Variants in SGCD observed in about 807,000 individuals in gnomAD.
SGCD encodes delta-sarcoglycan.
SGCD carries 18 observed loss-of-function variants against 36.6 expected under a neutral mutation model. The observed-to-expected ratio is 0.49, with a 90% CI of 0.34 to 0.73. The LOEUF (loss-of-function observed/expected upper bound fraction) is 0.73. SGCD is among the 30% of genes least tolerant of loss of function. The probability of loss-of-function intolerance (pLI) is 0.01; values close to 1 mark genes in which losing one functional copy is unlikely to be tolerated. For synonymous variants in SGCD, 133 were observed against 130.6 expected (o/e 1.02, Z -0.12); for missense variants, 387 against 346.7 (o/e 1.12, Z -0.92).
At chr5:155,801,323 C>T in the SGCD span, among the ~76,000 whole-genome samples, 1 of 152,148 alleles carries the variant, frequency 6.6e-6, no homozygotes, top group South Asian at 2.1e-4. Flanking sequence ...CTCTCCAAGC[C>T]CTGAGAGTAG....
chr5:156,015,403 T>G (rs932701759), intron 1 of SGCD, among the ~76,000 whole-genome samples: 1 of 152,130 alleles, frequency 6.6e-6, no homozygotes, highest in East Asian at 1.9e-4. Flanking sequence ...TGAGCATTTA[T>G]TCCCTTGCTT....
intron 3 of SGCD, among the ~76,000 whole-genome samples, chr5:156,287,635 G>GTGTGTA (rs1208955671): frequency 1.3e-5 from 2 of 149,450 alleles, no homozygotes; most frequent in Non-Finnish European, 3.0e-5. Flanking sequence ...CTTTGTGTGT[G>GTGTGTA]TGTGTGTGTG....
intron 3 of SGCD, among the ~76,000 whole-genome samples, chr5:156,321,411 C>G (rs1036662461): frequency 6.6e-6 from 1 of 150,966 alleles, no homozygotes; most frequent in Non-Finnish European, 1.5e-5. Flanking sequence ...CAGAGCGAGA[C>G]TCCGACTGAA....
intron 4 of SGCD, among the ~76,000 whole-genome samples, chr5:156,542,301 A>G (rs1371165388): frequency 6.6e-6 from 1 of 152,202 alleles, no homozygotes; most frequent in Non-Finnish European, 1.5e-5. Context: ...TTCCAGATTT[A>G]TAAAACCCCA....
chr5:156,572,492 G>A (rs552351593), intron 4 of SGCD, among the ~76,000 whole-genome samples: 41 of 152,036 alleles, frequency 2.7e-4, no homozygotes, highest in African/African-American at 8.0e-4. Flanking sequence ...TTAACTTACC[G>A]GGTTTCCATT....
At chr5:156,111,746 A>T (rs541222465) in intron 1 of SGCD, among the ~76,000 whole-genome samples, 3 of 151,836 alleles carry the variant, frequency 2.0e-5, no homozygotes, top group African/African-American at 7.2e-5. Flanking sequence ...ATGTCACCTT[A>T]GTTTCATTTG....
At chr5:156,748,385 A>G (rs905048598) in intron 7 of SGCD, among the ~76,000 whole-genome samples, 30 of 152,232 alleles carry the variant, frequency 2.0e-4, no homozygotes, top group Admixed American at 1.1e-3. Context: ...GTCATCTGAA[A>G]TTTTAAAAAT....
At chr5:155,987,596 C>G (rs1431839725) in intron 1 of SGCD, among the ~76,000 whole-genome samples, 2 of 152,178 alleles carry the variant, frequency 1.3e-5, no homozygotes, top group African/African-American at 4.8e-5. Flanking sequence ...CTCAGCATGG[C>G]ATTTATAAGG....
At chr5:156,297,001 T>C (rs1263944628) in intron 3 of SGCD, among the ~76,000 whole-genome samples, 1 of 150,834 alleles carries the variant, frequency 6.6e-6, no homozygotes, top group Non-Finnish European at 1.5e-5. Flanking sequence ...AGTTTTCAAA[T>C]TTTTAATTTT....
chr5:155,957,344 CA>C (rs1757684684), intron 1 of SGCD, among the ~76,000 whole-genome samples: 1 of 151,994 alleles, frequency 6.6e-6, no homozygotes, highest in South Asian at 2.1e-4. Context: ...GAGCTGCCCC[CA>C]CCAAGGTCAC....
chr5:156,558,088 A>AATGTATATATATATAT lies in SGCD; in HGVS notation c.295-31141_295-31140insGTATATATATATATAT, dbSNP rs1330398244. Among the ~76,000 whole-genome samples the AATGTATATATATATAT allele has an allele frequency of 1.3e-3, 129 of 95,564 alleles. 2 individuals carry two copies. Among genetic ancestry groups the AATGTATATATATATAT allele is most frequent in the African/African-American group, 4.8e-3 (122 of 25,328 alleles). The allele number at this position is 95,564 out of a possible 152,430, so 62.7% of individuals were successfully genotyped here. The stretch of plus-strand genomic sequence containing the variant: ...ACTGAGTGTGTTATTAGTAAATACA[A>AATGTATATATATATAT]ATATATATATATATATATATATATA... On this transcript the variant is annotated intron_variant, in intron 4 of 8. Coordinates refer to ENST00000337851, the MANE Select transcript of SGCD (RefSeq NM_000337.6).
At chr5:156,375,402 T>C (rs1441068413) in intron 3 of SGCD, among the ~76,000 whole-genome samples, 4 of 147,758 alleles carry the variant, frequency 2.7e-5, no homozygotes, top group Middle Eastern at 3.5e-3. Context: ...CAGCTTTTTT[T>C]TTTTTTTTTT....
intron 7 of SGCD, among the ~76,000 whole-genome samples, chr5:156,718,936 C>A (rs1452662163): frequency 6.6e-6 from 1 of 151,914 alleles, no homozygotes; most frequent in Non-Finnish European, 1.5e-5. Context: ...TTGACAAACT[C>A]TTTGCTCTAC....
In SGCD at chr5:156,508,603, T is replaced by C. The variant is rs1357504679; in HGVS notation, c.195T>C (p.Asp65=). The change falls in exon 4 of 9, where the codon GAT becomes GAC. Residue 65 remains aspartate, a splice_region_variant and synonymous_variant. Coordinates refer to ENST00000337851, the MANE Select transcript of SGCD (RefSeq NM_000337.6). ...GTTATCTCTGTGTTCTATTTCAGGA[T>C]GGAATGGGAAACCTGAGGATCACAG... The part of the protein sequence containing the change: ...WILKVMNFTI[D]GMGNLRITEK... 1.3e-6 allele frequency: 2 copies of C among 1,595,720 alleles called. No homozygotes were observed. Among genetic ancestry groups the C allele is most frequent in the Non-Finnish European group, 1.7e-6 (2 of 1,163,724 alleles).
At chr5:156,660,371 C>T (rs1763866411) in intron 7 of SGCD, among the ~76,000 whole-genome samples, 1 of 152,420 alleles carries the variant, frequency 6.6e-6, no homozygotes, top group South Asian at 2.1e-4. Flanking sequence ...TAGGATTATC[C>T]ATCCATGTGA....
Position 156,751,258 on chromosome 5 carries a change from A to G in SGCD, c.576-6323A>G, listed in dbSNP as rs539435364. Among the ~76,000 whole-genome samples the G allele has an allele frequency of 3.3e-4, 51 of 152,348 alleles. No homozygotes were observed. The South Asian group carries it at 9.5e-3, about 28-fold the overall frequency. ...GGACCTAAATATTGGCTTTTTCAACATATGTTGAGATAATCTCCATCTCTT... is the reference window on the plus strand; with the variant it reads ...GGACCTAAATATTGGCTTTTTCAACGTATGTTGAGATAATCTCCATCTCTT... On this transcript the variant is annotated intron_variant, in intron 7 of 8. Coordinates refer to ENST00000337851, the MANE Select transcript of SGCD (RefSeq NM_000337.6).
At chr5:156,679,469 T>C (rs1359607005) in intron 7 of SGCD, among the ~76,000 whole-genome samples, 1 of 152,182 alleles carries the variant, frequency 6.6e-6, no homozygotes, top group Non-Finnish European at 1.5e-5. Context: ...TGTCTACACA[T>C]ACATACATGC....
intron 1 of SGCD, among the ~76,000 whole-genome samples, chr5:156,004,595 G>T (rs996352631): frequency 6.6e-6 from 1 of 152,152 alleles, no homozygotes; most frequent in African/African-American, 2.4e-5. Flanking sequence ...TCACTTTAAA[G>T]CCCAAGTACT....
At chr5:156,270,726 C>T (rs1766154312) in intron 3 of SGCD, among the ~76,000 whole-genome samples, 1 of 152,142 alleles carries the variant, frequency 6.6e-6, no homozygotes, top group Non-Finnish European at 1.5e-5. Flanking sequence ...AAAGTACTTC[C>T]TGTCTCTCAG....
Sources: allele counts gnomAD v4.1 joint callset (sites outside exome capture counted in the v4.1 genomes callset), GRCh38; gene constraint gnomAD v4.1.1; transcripts MANE v1.5; gene names NCBI Gene and HGNC (gene_info 2026-07-23, HGNC 2026-07-21).